Variants in PRIMA1 observed in about 807,000 individuals in gnomAD.
PRIMA1 encodes proline-rich membrane anchor 1.
PRIMA1 carries 7 observed loss-of-function variants against 17.5 expected under a neutral mutation model. The ratio of observed to expected loss-of-function variants is 0.40; its 90% CI spans 0.23 to 0.75. PRIMA1 has a LOEUF of 0.75. Among genes scored for constraint, PRIMA1 ranks in the 30% least tolerant of loss-of-function variants. PRIMA1 has a pLI of 0.37. For missense variants in PRIMA1, 200 were observed against 201.8 expected (o/e 0.99, Z 0.05); for synonymous variants, 97 against 77.9 (o/e 1.25, Z -1.29).
At chr14:93,737,431 A>T in intron 3 of PRIMA1, 61 bp from the exon 4 acceptor site, 1 of 1,581,078 alleles carries the variant, frequency 6.3e-7, no homozygotes, top group Non-Finnish European at 8.6e-7. Flanking sequence ...CCAGTGACAG[A>T]GGTGGGACCA....
At chr14:93,721,654 G>T in intron 4 of PRIMA1, 108 bp from the exon 5 acceptor site, 1 of 690,356 alleles carries the variant, frequency 1.4e-6, no homozygotes, top group Non-Finnish European at 2.6e-6. Context: ...CCTGCTCCGT[G>T]AGAGTGTCAG....
At chr14:93,749,800 T>A (rs565176859) in intron 3 of PRIMA1, among the ~76,000 whole-genome samples, 1 of 152,284 alleles carries the variant, frequency 6.6e-6, no homozygotes, top group South Asian at 2.1e-4. Context: ...CCCAGCACTT[T>A]GGGAGGCCAA....
chr14:93,739,530 A>G (rs1436791547), intron 3 of PRIMA1, among the ~76,000 whole-genome samples: 1 of 152,184 alleles, frequency 6.6e-6, no homozygotes, highest in African/African-American at 2.4e-5. Context: ...GTGTATGATA[A>G]ACTTTAGAAG....
chr14:93,748,921 G>A (rs919798631), intron 3 of PRIMA1, among the ~76,000 whole-genome samples: 13 of 152,076 alleles, frequency 8.5e-5, no homozygotes, highest in Admixed American at 5.9e-4. Flanking sequence ...AGCTTTTCCC[G>A]GTGCAAGGGA....
intron 3 of PRIMA1, among the ~76,000 whole-genome samples, chr14:93,758,792 A>C (rs2076308417): frequency 6.6e-6 from 1 of 152,064 alleles, no homozygotes; most frequent in African/African-American, 2.4e-5. Flanking sequence ...TGAGCAAAGC[A>C]TTGTGCAATG....
rs755885530 is a variant in PRIMA1, at chr14:93,779,273, C to T, written c.132G>A (p.Val44=). 6.5e-7 allele frequency: 1 copy of T among 1,545,470 alleles called. No homozygotes were observed. Among genetic ancestry groups the T allele is most frequent in the South Asian group, 1.3e-5 (1 of 79,740 alleles). ...GGCAGACGTGTCGGCAGCTGTCAGT[C>T]ACTTTGGAGCAGGACTTCTGGGGCT... ...HGEPQKSCSK[V]TDSCRHVCQC... The change falls in exon 3 of 5, where the codon GTG becomes GTA. Residue 44 remains valine (V), a synonymous_variant. Transcript: ENST00000393140.
intron 3 of PRIMA1, among the ~76,000 whole-genome samples, chr14:93,759,179 T>C (rs1053465750): frequency 6.6e-6 from 1 of 152,146 alleles, no homozygotes; most frequent in Non-Finnish European, 1.5e-5. Context: ...GAAAGGAGGC[T>C]TGAGGGCTAA....
intron 3 of PRIMA1, among the ~76,000 whole-genome samples, chr14:93,738,001 G>A (rs1030496525): frequency 6.6e-6 from 1 of 152,178 alleles, no homozygotes. Context: ...GAAAGAAAGG[G>A]AGGACTGCCA....
intron 4 of PRIMA1, among the ~76,000 whole-genome samples, chr14:93,730,380 C>A (rs971186898): frequency 5.9e-5 from 9 of 152,226 alleles, no homozygotes; most frequent in African/African-American, 2.2e-4. Context: ...AGGATGACAT[C>A]TCAGAGGAGG....
intron 3 of PRIMA1, among the ~76,000 whole-genome samples, chr14:93,762,383 C>T (rs1399837555): frequency 6.6e-6 from 1 of 152,126 alleles, no homozygotes; most frequent in Non-Finnish European, 1.5e-5. Flanking sequence ...GAGATGAAAT[C>T]AGATGGCCTC....
intron 3 of PRIMA1, among the ~76,000 whole-genome samples, chr14:93,747,836 AGT>A (rs1379782824): frequency 2.7e-4 from 38 of 138,356 alleles, no homozygotes; most frequent in Admixed American, 2.6e-3. Flanking sequence ...TGTGTGTGAG[AGT>A]GTATGAGTGT....
intron 3 of PRIMA1, among the ~76,000 whole-genome samples, chr14:93,757,385 C>T (rs796923704): frequency 5.3e-5 from 8 of 152,372 alleles, no homozygotes; most frequent in African/African-American, 1.9e-4. Flanking sequence ...TCTATGGACA[C>T]GTCAGAGCCG....
chr14:93,730,917 T>C (rs955054904), intron 4 of PRIMA1, among the ~76,000 whole-genome samples: 3 of 151,976 alleles, frequency 2.0e-5, no homozygotes, highest in African/African-American at 7.3e-5. Flanking sequence ...AGGAGCCATA[T>C]TGGGATCATC....
chr14:93,721,531 T>A lies in PRIMA1; in HGVS notation c.375A>T (p.Lys125Asn), dbSNP rs1297777411. Residue 125 changes from lysine to asparagine, a missense_variant, in exon 5 of 5, where the codon AAA (lysine) becomes AAT (asparagine). Transcript: ENST00000393140. The stretch of plus-strand genomic sequence containing the variant: ...CAGCAACGCTGGTGCCATTTTCGTC[T>A]TTTCTCAGTGGTTTCCTGGAAGTGG... ...YKAIKRKPLR[K>N]DENGTSVAEY... is the part of the protein sequence containing the mutation. The A allele has an allele frequency of 6.2e-7, 1 of 1,613,070 alleles. No individual in the cohort carries two copies. The highest frequency in any genetic ancestry group is 2.2e-5 in the East Asian group (1 of 44,868).
chr14:93,726,827 A>G lies in PRIMA1; in HGVS notation c.360-5281T>C, dbSNP rs1196935977. Among the ~76,000 whole-genome samples the G allele has an allele frequency of 6.6e-6, 1 of 152,032 alleles. No individual in the cohort carries two copies. Among genetic ancestry groups the G allele is most frequent in the Non-Finnish European group, 1.5e-5 (1 of 67,996 alleles). On this transcript the variant is annotated intron_variant, in intron 4 of 4. Coordinates refer to ENST00000393140, the MANE Select transcript of PRIMA1 (RefSeq NM_178013.4). This position sits in a 1 kb window ranked among gnomAD's most constrained non-coding sequence, Gnocchi z 4.2. ...GTACTTCAACACACACACAATATAC[A>G]CATACACACATGTCCCTACACACAT...
At chr14:93,764,475 G>A (rs1002008620) in intron 3 of PRIMA1, among the ~76,000 whole-genome samples, 1 of 151,646 alleles carries the variant, frequency 6.6e-6, no homozygotes, top group African/African-American at 2.4e-5. Context: ...CTCCACATGA[G>A]AAAAAACAGA....
At chr14:93,728,975 G>A (rs977914507) in intron 4 of PRIMA1, among the ~76,000 whole-genome samples, 2 of 152,240 alleles carry the variant, frequency 1.3e-5, no homozygotes, top group East Asian at 3.9e-4. Context: ...TAAGGACCTC[G>A]TGCCCCTGCC....
intron 3 of PRIMA1, among the ~76,000 whole-genome samples, chr14:93,770,932 C>G (rs1434441129): frequency 6.6e-6 from 1 of 152,192 alleles, no homozygotes; most frequent in African/African-American, 2.4e-5. Flanking sequence ...ACTGAGGACC[C>G]AGCAGACACT....
rs2076267475 is a variant in PRIMA1, at chr14:93,752,655, G to C, written c.230-15285C>G. Among the ~76,000 whole-genome samples the C allele has an allele frequency of 3.3e-5, 5 of 152,096 alleles. No individual in the cohort carries two copies. In the South Asian group the frequency reaches 1.0e-3, roughly 32 times the overall value. On this transcript the variant is annotated intron_variant, in intron 3 of 4. Transcript: ENST00000393140. ...TCCAAAGACAATTTCTGTGACGCTG[G>C]CTTGTCCAAGGATAGGGCACACCGA... is the stretch of plus-strand genomic sequence containing the variant.
Sources: gnomAD v4.1 joint callset for allele counts (sites outside exome capture counted in the v4.1 genomes callset) on GRCh38, gnomAD v4.1.1 for gene constraint, Gnocchi (gnomAD v3.1) non-coding constraint, MANE v1.5 for transcripts, NCBI Gene and HGNC (gene_info 2026-07-23, HGNC 2026-07-21) for gene names.